The following MCPH1 variants were observed in gnomAD, a reference collection of about 807,000 sequenced individuals.
MCPH1 encodes microcephalin 1, also known as microcephalin.
In MCPH1, 104 loss-of-function variants were observed where a neutral mutation model predicts 84.5. The observed-to-expected ratio is 1.23, with a 90% CI of 1.05 to 1.45. The LOEUF (loss-of-function observed/expected upper bound fraction) is 1.45, where lower values mean the gene tolerates loss of function less well. Among genes scored for constraint, MCPH1 ranks in the 40% most tolerant of loss-of-function variants. The pLI, the probability that MCPH1 is intolerant of heterozygous loss-of-function variation, is 0.00. For synonymous variants in MCPH1, 514 were observed against 366.8 expected (o/e 1.40, Z -4.58); for missense variants, 1,498 against 1,005.7 (o/e 1.49, Z -6.62).
intron 8 of MCPH1, among the ~76,000 whole-genome samples, chr8:6,448,293 T>G (rs981194814): frequency 6.6e-6 from 1 of 152,146 alleles, no homozygotes; most frequent in Non-Finnish European, 1.5e-5. Context: ...ATGTTTCAGC[T>G]GGAGGTAACA....
At chr8:6,417,658 T>C (rs1799508952) in intron 3 of MCPH1, among the ~76,000 whole-genome samples, 1 of 152,208 alleles carries the variant, frequency 6.6e-6, no homozygotes, top group Admixed American at 6.5e-5. Flanking sequence ...ATACATTCTT[T>C]TTATTTCGGT....
At position 6,445,433 on chromosome 8, in the gene MCPH1, T is replaced by A; in HGVS notation, c.1711T>A (p.Ser571Thr). Residue 571 changes from serine to threonine, a missense_variant, in exon 8 of 14, where the codon TCA becomes ACA. Physicochemically the swap from Ser to Thr is moderately conservative, Grantham distance 58. Transcript: ENST00000344683. ...TQNKGTTSKI[S>T]NSSEGEAQSE... is the part of the protein sequence containing the mutation. Reference sequence around the variant, plus strand: ...GAACAAAGGTACCACTTCCAAAATATCAAACTCCTCTGAAGGCGAAGCCCA... The same window carrying A: ...GAACAAAGGTACCACTTCCAAAATAACAAACTCCTCTGAAGGCGAAGCCCA... The A allele has an allele frequency of 6.2e-7, 1 of 1,614,204 alleles. No individual in the cohort carries two copies. Among genetic ancestry groups the A allele is most frequent in the Non-Finnish European group, 8.5e-7 (1 of 1,180,046 alleles).
chr8:6,642,377 C>T (rs1027663538), intron 13 of MCPH1, among the ~76,000 whole-genome samples: 1 of 152,142 alleles, frequency 6.6e-6, no homozygotes, highest in African/African-American at 2.4e-5. Flanking sequence ...TTCAGCAGCA[C>T]CTGCAGCGCT....
intron 12 of MCPH1, among the ~76,000 whole-genome samples, chr8:6,582,887 C>A (rs566666492): frequency 2.6e-5 from 4 of 152,194 alleles, no homozygotes; most frequent in Non-Finnish European, 4.4e-5. Context: ...CTTTTCAAAG[C>A]CTTTCCCATC....
intron 12 of MCPH1, among the ~76,000 whole-genome samples, chr8:6,590,595 T>C (rs1405581388): frequency 1.3e-5 from 2 of 152,212 alleles, no homozygotes; most frequent in African/African-American, 4.8e-5. Context: ...GTTATAGGGC[T>C]TGCTGGATAC....
chr8:6,614,088 G>A (rs895706205), intron 12 of MCPH1, among the ~76,000 whole-genome samples: 2 of 152,098 alleles, frequency 1.3e-5, no homozygotes, highest in East Asian at 3.9e-4. Flanking sequence ...AGGCCACATT[G>A]TCACGTGTAA....
At chr8:6,529,623 ATTTTTTTT>A (rs35322987) in intron 12 of MCPH1, among the ~76,000 whole-genome samples, 4 of 120,962 alleles carry the variant, frequency 3.3e-5, no homozygotes, top group South Asian at 5.4e-4. Flanking sequence ...CGCCTGGCTA[ATTTTTTTT>A]TTTTTTTTTT....
At chr8:6,540,098 T>A (rs1032796385) in intron 12 of MCPH1, among the ~76,000 whole-genome samples, 2 of 152,232 alleles carry the variant, frequency 1.3e-5, no homozygotes, top group Non-Finnish European at 2.9e-5. Flanking sequence ...CTACAGTAAT[T>A]TGAGTGTACC....
rs139900250 is a variant in MCPH1, at chr8:6,412,783, C to G, written c.115-1982C>G. 1.3e-3 allele frequency among the ~76,000 whole-genome samples: 198 copies of G among 152,222 alleles called. 4 individuals carry two copies. In the East Asian group the frequency reaches 0.032, roughly 24 times the overall value. On this transcript the variant is annotated intron_variant, in intron 2 of 13. Transcript: ENST00000344683. The stretch of plus-strand genomic sequence containing the variant: ...TCTCAGCCCGGTAATTCTTAATTGC[C>G]TTGATAGCTCCCATGGACTTGATGG...
intron 12 of MCPH1, among the ~76,000 whole-genome samples, chr8:6,582,497 T>C (rs1404209406): frequency 6.6e-6 from 1 of 152,210 alleles, no homozygotes; most frequent in African/African-American, 2.4e-5. Flanking sequence ...TTAGAGTCCT[T>C]GATTCAGCAC....
At chr8:6,430,653 A>G (rs1185360936) in intron 3 of MCPH1, among the ~76,000 whole-genome samples, 1 of 152,172 alleles carries the variant, frequency 6.6e-6, no homozygotes, top group Non-Finnish European at 1.5e-5. Context: ...TTCGTGTGTT[A>G]GATGTTGAAC....
chr8:6,491,842 T>C (rs1810631188), intron 11 of MCPH1, among the ~76,000 whole-genome samples: 1 of 152,204 alleles, frequency 6.6e-6, no homozygotes, highest in Non-Finnish European at 1.5e-5. Context: ...GTCCATGGTG[T>C]ATATGTGCCA....
At chr8:6,569,638 A>G (rs912677603) in intron 12 of MCPH1, among the ~76,000 whole-genome samples, 1 of 152,238 alleles carries the variant, frequency 6.6e-6, no homozygotes, top group Non-Finnish European at 1.5e-5. Context: ...GTGAAGAGAG[A>G]GACAAGAATT....
At chr8:6,424,692 T>C (rs917464438) in intron 3 of MCPH1, among the ~76,000 whole-genome samples, 5 of 152,224 alleles carry the variant, frequency 3.3e-5, no homozygotes, top group Non-Finnish European at 7.3e-5. Context: ...CATTTAGGAC[T>C]GGGCAAATTA....
At chr8:6,488,421 A>G (rs745343005) in intron 11 of MCPH1, among the ~76,000 whole-genome samples, 20 of 152,232 alleles carry the variant, frequency 1.3e-4, no homozygotes, top group Non-Finnish European at 2.5e-4. Flanking sequence ...GACTGATGTT[A>G]AAGTTTGAAA....
Position 6,466,173 on chromosome 8 carries a change from T to C in MCPH1, c.1935+10921T>C, listed in dbSNP as rs999441451. On this transcript the variant is annotated intron_variant, in intron 9 of 13. Transcript: ENST00000344683. ...TTTTTCCTGAGACAGAGTCTTGCTC[T>C]ATCGCCAGGCTGGAGTGCAGTTGCG... Among the ~76,000 whole-genome samples the C allele has an allele frequency of 1.4e-4, 19 of 140,306 alleles. 1 individual carries two copies. The highest frequency in any genetic ancestry group is 4.9e-4 in the African/African-American group (18 of 37,052). The allele number at this position is 140,306 out of a possible 152,430, so 92.0% of individuals were successfully genotyped here. A position where few individuals can be genotyped will look rare whatever the true frequency, so the allele number is the denominator to read the frequency against.
intron 12 of MCPH1, among the ~76,000 whole-genome samples, chr8:6,578,224 A>T (rs1165587269): frequency 6.6e-6 from 1 of 152,228 alleles, no homozygotes; most frequent in Non-Finnish European, 1.5e-5. Flanking sequence ...ATGGGTAGAA[A>T]TTCTTTCCCA....
chr8:6,484,070 A>T (rs147894850), intron 11 of MCPH1, among the ~76,000 whole-genome samples: 1 of 152,354 alleles, frequency 6.6e-6, no homozygotes, highest in Non-Finnish European at 1.5e-5. Context: ...GAAAACATAG[A>T]TAAGTTAGAT....
chr8:6,421,751 C>G (rs1011337020), intron 3 of MCPH1, among the ~76,000 whole-genome samples: 3 of 152,152 alleles, frequency 2.0e-5, no homozygotes, highest in Non-Finnish European at 4.4e-5. Context: ...ACTACTTTCC[C>G]CTTTACAGAA....
Sources: gnomAD v4.1 joint callset for allele counts (sites outside exome capture counted in the v4.1 genomes callset) on GRCh38, gnomAD v4.1.1 for gene constraint, MANE v1.5 for transcripts, NCBI Gene and HGNC (gene_info 2026-07-23, HGNC 2026-07-21) for gene names.